The following ADGRE3 variants were observed in gnomAD, a reference collection of about 807,000 sequenced individuals.
The protein encoded by ADGRE3 is EGF-like module receptor 3.
Under a neutral mutation model 80.1 loss-of-function variants are expected in ADGRE3, and 88 were observed. The ratio of observed to expected loss-of-function variants is 1.10; its 90% CI spans 0.93 to 1.31. The LOEUF is 1.31. Among genes scored for constraint, ADGRE3 ranks in the 40% most tolerant of loss-of-function variants. The pLI is 0.00. For synonymous variants in ADGRE3, 281 were observed against 294.8 expected (o/e 0.95, Z 0.48); for missense variants, 715 against 776.5 (o/e 0.92, Z 0.94).
At chr19:14,628,090 T>G (rs1970781367) in intron 14 of ADGRE3, among the ~76,000 whole-genome samples, 1 of 151,924 alleles carries the variant, frequency 6.6e-6, no homozygotes, top group Non-Finnish European at 1.5e-5. Context: ...GTCGTGCCAT[T>G]GCACTCCAGC....
chr19:14,658,918 A>G (rs1465315892), intron 4 of ADGRE3, among the ~76,000 whole-genome samples: 1 of 151,878 alleles, frequency 6.6e-6, no homozygotes, highest in Non-Finnish European at 1.5e-5. Context: ...TATTTTTAGT[A>G]GAGATGGGGT....
chr19:14,656,456 G>A (rs1203073919), intron 5 of ADGRE3, among the ~76,000 whole-genome samples: 2 of 151,602 alleles, frequency 1.3e-5, no homozygotes, highest in Admixed American at 6.6e-5. Flanking sequence ...CCTGCCCACC[G>A]ACTAGATTTT....
At chr19:14,606,461 C>G in the ADGRE3 span, among the ~76,000 whole-genome samples, 8 of 151,530 alleles carry the variant, frequency 5.3e-5, no homozygotes, top group Admixed American at 1.3e-4. Context: ...GGTGAATCAA[C>G]TGAGGTCAGA....
At chr19:14,617,780 C>A (rs375470017), downstream of ADGRE3, among the ~76,000 whole-genome samples, 7 of 151,994 alleles carry the variant, frequency 4.6e-5, no homozygotes, top group East Asian at 3.9e-4. Context: ...AGATTTTAAT[C>A]TTTTGGCCTT....
intron 14 of ADGRE3, chr19:14,628,641 C>A: frequency 3.0e-6 from 1 of 330,908 alleles, no homozygotes; most frequent in South Asian, 2.9e-5. Context: ...CAGTGAAGTT[C>A]AAGACCTCAT....
intron 8 of ADGRE3, among the ~76,000 whole-genome samples, chr19:14,646,682 TCCCTCCC>T (rs1971412292): frequency 2.0e-5 from 1 of 51,078 alleles, no homozygotes; most frequent in African/African-American, 8.4e-5. Flanking sequence ...CCTCCCTCCC[TCCCTCCC>T]TCCCTCCTTC....
chr19:14,661,763 C>T (rs1035878945), intron 4 of ADGRE3, among the ~76,000 whole-genome samples, 200 bp downstream of exon 4: 3 of 152,024 alleles, frequency 2.0e-5, no homozygotes, highest in Admixed American at 1.3e-4. Context: ...AGCTGGGCGT[C>T]GTGGTGCACG....
intron 4 of ADGRE3, among the ~76,000 whole-genome samples, chr19:14,659,989 ATC>A (rs1338673977): frequency 6.6e-6 from 1 of 152,108 alleles, no homozygotes; most frequent in Non-Finnish European, 1.5e-5. Context: ...TGAACATTTT[ATC>A]TTAAGAGTTC....
intron 1 of ADGRE3, 29 bp from the exon 2 acceptor site, chr19:14,668,881 G>A: frequency 6.2e-7 from 1 of 1,607,238 alleles, no homozygotes; most frequent in Non-Finnish European, 8.5e-7. Flanking sequence ...AGAAGGGAGA[G>A]ACATGAAACA....
At chr19:14,620,909 T>A (rs1373113051) in intron 15 of ADGRE3, among the ~76,000 whole-genome samples, 1 of 152,098 alleles carries the variant, frequency 6.6e-6, no homozygotes, top group Non-Finnish European at 1.5e-5. Flanking sequence ...AACCAATAAC[T>A]GGAATGCTGG....
intron 13 of ADGRE3, among the ~76,000 whole-genome samples, chr19:14,631,507 C>A (rs531333745): frequency 0.017 from 2,536 of 150,720 alleles, 38 homozygotes; most frequent in Non-Finnish European, 0.026. Context: ...TATACACACA[C>A]AATATATATA....
chr19:14,628,277 C>CAAAA (rs371415747), intron 14 of ADGRE3, among the ~76,000 whole-genome samples: 1 of 139,140 alleles, frequency 7.2e-6, no homozygotes, highest in Non-Finnish European at 1.5e-5. Context: ...ACTAAAAATA[C>CAAAA]AAAAAAAAAA....
rs767734724 is a variant in ADGRE3 at position 14,644,223 on chromosome 19, TG to T, written c.934del (p.Gln312ArgfsTer12). The T allele has an allele frequency of 6.2e-5, 99 of 1,603,602 alleles. No individual in the cohort carries two copies. In the Middle Eastern group the frequency reaches 1.3e-3, roughly 22 times the overall value. ...GCCATCCCTGGACCACTGGCTGCCC[TG>T]CCCTGTGCTCTTCCAGTAGACACAG... The part of the protein sequence containing the change: ...VFCVYWKSTG[Q>X]GSQWSRDGCF... On this transcript the variant is annotated frameshift_variant, in exon 9 of 16. Coordinates refer to ENST00000253673, the MANE Select transcript of ADGRE3 (RefSeq NM_032571.5). LOFTEE classifies it high-confidence loss of function.
intron 2 of ADGRE3, among the ~76,000 whole-genome samples, chr19:14,664,406 G>A (rs73506187): frequency 0.027 from 4,157 of 152,082 alleles, 172 homozygotes; most frequent in African/African-American, 0.095. Context: ...CATTGTGATC[G>A]CACCACGGTG....
At chr19:14,642,710 T>C (rs1971286636) in intron 9 of ADGRE3, among the ~76,000 whole-genome samples, 1 of 152,228 alleles carries the variant, frequency 6.6e-6, no homozygotes, top group South Asian at 2.1e-4. Flanking sequence ...CTAAGGATAA[T>C]GGCCTCCAGC....
chr19:14,669,867 C>G (rs189414823), intron 1 of ADGRE3, among the ~76,000 whole-genome samples: 269 of 152,026 alleles, frequency 1.8e-3, no homozygotes, highest in African/African-American at 6.3e-3. Context: ...ATCTTTAGTT[C>G]TTTAAGAGAT....
intron 15 of ADGRE3, 100 bp from the exon 16 acceptor site, chr19:14,619,571 G>A: frequency 1.1e-6 from 1 of 903,780 alleles, no homozygotes; most frequent in Non-Finnish European, 1.8e-6. Flanking sequence ...TTTAAACCCA[G>A]TTTGAACCAG....
chr19:14,603,494 C>T, the ADGRE3 span, among the ~76,000 whole-genome samples: 1 of 151,692 alleles, frequency 6.6e-6, no homozygotes, highest in Non-Finnish European at 1.5e-5. Flanking sequence ...GGATCTTGCT[C>T]TGTTGCCCAG....
chr19:14,644,114 G>C lies in ADGRE3; in HGVS notation c.1044C>G (p.Thr348=). ...TAAAACATATACATCATACCTGGCT[G>C]GTCAGGGCCATCAGGACAGCGAAGC... ...LSSFAVLMAL[T]SQEEDPVLTV... Residue 348 remains threonine (T), a synonymous_variant, in exon 9 of 16, where the codon ACC becomes ACG. Coordinates refer to ENST00000253673, the MANE Select transcript of ADGRE3 (RefSeq NM_032571.5). 2 of 1,536,598 alleles carry C rather than the reference G, an allele frequency of 1.3e-6. No individual in the cohort carries two copies. The highest frequency in any genetic ancestry group is 1.8e-6 in the Non-Finnish European group (2 of 1,140,684).
Sources: gnomAD v4.1 joint callset for allele counts (sites outside exome capture counted in the v4.1 genomes callset) on GRCh38, gnomAD v4.1.1 for gene constraint, MANE v1.5 for transcripts, NCBI Gene and HGNC (gene_info 2026-07-23, HGNC 2026-07-21) for gene names.